The following OXR1 variants were observed in gnomAD, a reference collection of about 807,000 sequenced individuals.
The protein encoded by OXR1 is oxidation resistance 1, also known as oxidation resistance protein 1.
In OXR1, 41 loss-of-function variants were observed where a neutral mutation model predicts 104.6. That is an observed-to-expected ratio of 0.39 (90% CI 0.31 to 0.51). The LOEUF (loss-of-function observed/expected upper bound fraction) is 0.51. Among genes scored for constraint, OXR1 ranks in the 20% least tolerant of loss-of-function variants. OXR1 has a pLI of 0.77. For synonymous variants in OXR1, 348 were observed against 348.4 expected, an observed-to-expected ratio of 1.00 and a Z score of 0.01; for missense variants, 955 against 1,031.9, an observed-to-expected ratio of 0.93 and a Z score of 1.02.
intron 3 of OXR1, among the ~76,000 whole-genome samples, chr8:106,521,689 T>A (rs1271422098): frequency 1.3e-5 from 2 of 152,142 alleles, no homozygotes; most frequent in Non-Finnish European, 2.9e-5. Context: ...ATTTTTTGTA[T>A]TTTTGGTAGA....
chr8:106,657,016 T>C (rs867309219), intron 3 of OXR1, among the ~76,000 whole-genome samples: 15 of 152,134 alleles, frequency 9.9e-5, no homozygotes, highest in South Asian at 4.1e-4. Flanking sequence ...GTTTAATTTA[T>C]TTAATGCCTG....
intron 2 of OXR1, among the ~76,000 whole-genome samples, chr8:106,400,359 C>A (rs1323004739): frequency 2.0e-5 from 3 of 152,060 alleles, no homozygotes; most frequent in Non-Finnish European, 4.4e-5. Flanking sequence ...ACAAATCTTC[C>A]TGTAGCAAAT....
intron 2 of OXR1, among the ~76,000 whole-genome samples, chr8:106,431,983 T>C (rs1308607320): frequency 1.3e-5 from 2 of 152,216 alleles, no homozygotes; most frequent in Non-Finnish European, 2.9e-5. Context: ...TATTTCCCTC[T>C]TCATTGTCCT....
chr8:106,485,576 A>G (rs919002073), intron 2 of OXR1, among the ~76,000 whole-genome samples: 2 of 152,108 alleles, frequency 1.3e-5, no homozygotes, highest in African/African-American at 4.8e-5. Flanking sequence ...TATACATTTC[A>G]AAGAAATGTT....
chr8:106,735,753 A>G (rs1210164445), intron 11 of OXR1, among the ~76,000 whole-genome samples: 2 of 152,100 alleles, frequency 1.3e-5, no homozygotes, highest in Non-Finnish European at 2.9e-5. Context: ...TTTTATTTTT[A>G]GTACCTAATT....
intron 1 of OXR1, among the ~76,000 whole-genome samples, chr8:106,327,754 G>C (rs1392842528): frequency 6.6e-6 from 1 of 152,054 alleles, no homozygotes; most frequent in Non-Finnish European, 1.5e-5. Context: ...TCTAATATTT[G>C]GTTACTCATG....
chr8:106,408,802 C>G (rs1818346160), intron 2 of OXR1, among the ~76,000 whole-genome samples: 2 of 152,296 alleles, frequency 1.3e-5, no homozygotes, highest in African/African-American at 4.8e-5. Context: ...AGGTGACTGC[C>G]TGGCTCTAGT....
chr8:106,472,836 T>C (rs1212290872), intron 2 of OXR1, among the ~76,000 whole-genome samples: 1 of 151,900 alleles, frequency 6.6e-6, no homozygotes, highest in Non-Finnish European at 1.5e-5. Flanking sequence ...CTATGGTCTT[T>C]TAGTCTGGAC....
At chr8:106,606,467 AT>A (rs34425594) in intron 3 of OXR1, among the ~76,000 whole-genome samples, 4,042 of 136,862 alleles carry the variant, frequency 0.03, 71 homozygotes, top group Admixed American at 0.054. Context: ...TGCCTGGCTA[AT>A]TTTTTTTTTT....
At chr8:106,403,718 T>C (rs573861723) in intron 2 of OXR1, among the ~76,000 whole-genome samples, 78 of 152,334 alleles carry the variant, frequency 5.1e-4, no homozygotes, top group African/African-American at 1.8e-3. Flanking sequence ...GCCATCCAAA[T>C]AAACTGCTGG....
chr8:106,487,678 T>C (rs1055954952), intron 2 of OXR1, among the ~76,000 whole-genome samples: 1 of 148,916 alleles, frequency 6.7e-6, no homozygotes, highest in Non-Finnish European at 1.5e-5. Flanking sequence ...CGGTGTTTGG[T>C]TTTTTGTTCT....
chr8:106,300,831 A>C (rs1289410200), intron 1 of OXR1, among the ~76,000 whole-genome samples: 4 of 152,204 alleles, frequency 2.6e-5, no homozygotes, highest in African/African-American at 9.6e-5. Context: ...ACTATGTATC[A>C]ATGCTTTACT....
At chr8:106,417,730 G>A (rs1818736861) in intron 2 of OXR1, among the ~76,000 whole-genome samples, 1 of 152,146 alleles carries the variant, frequency 6.6e-6, no homozygotes, top group African/African-American at 2.4e-5. Flanking sequence ...TACTACTATA[G>A]TGCTTTTCTA....
rs1035998356 is a variant in OXR1 at position 106,359,574 on chromosome 8, G to C, written c.-40G>C. On this transcript the variant is annotated 5_prime_UTR_variant, in exon 2 of 17. Coordinates refer to ENST00000517566, the MANE Select transcript of OXR1 (RefSeq NM_001198533.2). Reference sequence around the variant, plus strand: ...TGTCGACTTGACCTGCTAATTTCCTGTTCTGGAATCGAGAGAAGACTCCTC... The same window carrying C: ...TGTCGACTTGACCTGCTAATTTCCTCTTCTGGAATCGAGAGAAGACTCCTC... The C allele has an allele frequency of 2.6e-6, 4 of 1,531,468 alleles. No homozygotes were observed. The highest frequency in any genetic ancestry group is 3.5e-6 in the Non-Finnish European group (4 of 1,128,414). The allele number at this position is 1,531,468 out of a possible 1,614,324, so 94.9% of individuals were successfully genotyped here. A position where few individuals can be genotyped will look rare whatever the true frequency, so the allele number is the denominator to read the frequency against.
At chr8:106,309,149 A>G (rs1408869911) in intron 1 of OXR1, among the ~76,000 whole-genome samples, 1 of 151,930 alleles carries the variant, frequency 6.6e-6, no homozygotes, top group Non-Finnish European at 1.5e-5. Flanking sequence ...AGCTAATTAC[A>G]TTTTTTATTT....
At position 106,713,872 on chromosome 8, in the gene OXR1, G is replaced by A; in HGVS notation, c.1843G>A (p.Ala615Thr). Residue 615 changes from alanine to threonine, a missense_variant, in exon 11 of 17, where the codon GCA (alanine) becomes ACA (threonine). Ala to Thr is a moderately conservative substitution (Grantham distance 58). Around this residue, in one of 2 missense-constraint regions of OXR1, gnomAD observed 849 missense variants for 852.9 expected, o/e 1.00. Transcript: ENST00000517566. Reference sequence around the variant, plus strand: ...CATTCAGTGGAGTCCAGAAATATATGCAGAAGATACTGGCGAATATACCAG... The same window carrying A: ...CATTCAGTGGAGTCCAGAAATATATACAGAAGATACTGGCGAATATACCAG... ...FFIQWSPEIY[A>T]EDTGEYTREP... The A allele has an allele frequency of 1.9e-6, 3 of 1,588,872 alleles. No homozygotes were observed. Among genetic ancestry groups the A allele is most frequent in the Non-Finnish European group, 2.6e-6 (3 of 1,172,120 alleles).
intron 7 of OXR1, 91 bp from the exon 8 acceptor site, chr8:106,702,815 C>G: frequency 1.0e-6 from 1 of 989,200 alleles, no homozygotes; most frequent in South Asian, 1.9e-5. Flanking sequence ...TATATATGGC[C>G]TAACATCAGA....
At chr8:106,271,045 A>C (rs1811781102) in intron 1 of OXR1, among the ~76,000 whole-genome samples, 2 of 151,920 alleles carry the variant, frequency 1.3e-5, no homozygotes, top group Admixed American at 6.6e-5. Flanking sequence ...TGGATGTAGA[A>C]AGTGGCCTGG....
chr8:106,603,983 G>T (rs888517510), intron 3 of OXR1, among the ~76,000 whole-genome samples: 26 of 152,146 alleles, frequency 1.7e-4, no homozygotes, highest in African/African-American at 6.0e-4. Flanking sequence ...AACCCAGGAG[G>T]CGGTTGTTGC....
Sources: allele counts gnomAD v4.1 joint callset (sites outside exome capture counted in the v4.1 genomes callset), GRCh38; gene constraint gnomAD v4.1.1; regional missense constraint gnomAD v4.1.1; transcripts MANE v1.5; gene names NCBI Gene and HGNC (gene_info 2026-07-23, HGNC 2026-07-21).